PPM1D: variants seen among roughly 807,000 people sequenced by gnomAD.
The protein encoded by PPM1D is protein phosphatase, Mg2+/Mn2+ dependent 1D.
A neutral mutation model predicts 58.3 loss-of-function variants in PPM1D; 52 were observed. That is an observed-to-expected ratio of 0.89 (90% CI 0.71 to 1.12). PPM1D has a LOEUF of 1.12. Ranked by LOEUF, PPM1D falls within the 50% of genes most tolerant of loss-of-function variation. The pLI is 0.00. For synonymous variants in PPM1D, 278 were observed against 285.1 expected (o/e 0.98, Z 0.25); for missense variants, 564 against 777.2 (o/e 0.73, Z 3.26).
At chr17:60,642,549 C>G (rs2031156492) in intron 3 of PPM1D, among the ~76,000 whole-genome samples, 1 of 151,932 alleles carries the variant, frequency 6.6e-6, no homozygotes, top group African/African-American at 2.4e-5. Flanking sequence ...ACCTCTGGCT[C>G]CTGGGTTCAA....
intron 2 of PPM1D, among the ~76,000 whole-genome samples, chr17:60,629,133 A>G (rs2030870422): frequency 6.6e-6 from 1 of 152,198 alleles, no homozygotes; most frequent in Non-Finnish European, 1.5e-5. Flanking sequence ...CCTCTGTTGT[A>G]AGACAGCATT....
At chr17:60,642,603 C>T (rs1022174004) in intron 3 of PPM1D, among the ~76,000 whole-genome samples, 9 of 152,006 alleles carry the variant, frequency 5.9e-5, no homozygotes, top group Admixed American at 2.0e-4. Context: ...GGACTACAGG[C>T]GTGTGCCACC....
At chr17:60,646,069 G>T (rs2031246154) in intron 3 of PPM1D, among the ~76,000 whole-genome samples, 1 of 152,092 alleles carries the variant, frequency 6.6e-6, no homozygotes, top group African/African-American at 2.4e-5. Context: ...GAGCCCAGGA[G>T]ATCTATCCTG....
chr17:60,663,369 C>T lies in PPM1D; in HGVS notation c.1635C>T (p.Pro545=), dbSNP rs1255277012. Residue 545 remains proline, a synonymous_variant, in exon 6 of 6, where the codon CCC becomes CCT. Transcript: ENST00000305921. The part of the protein sequence containing the change: ...KRTLEESNSG[P]LMKKHRRNGL... ...CATTAGAAGAGTCCAATTCTGGCCC[C>T]CTGATGAAGAAGCATAGACGAAATG... is the stretch of plus-strand genomic sequence containing the variant. 18 of 1,614,168 alleles carry T rather than the reference C, an allele frequency of 1.1e-5. No individual in the cohort carries two copies. The highest frequency in any genetic ancestry group is 1.5e-5 in the Non-Finnish European group (18 of 1,180,032).
chr17:60,619,216 C>CT (rs375551529), intron 1 of PPM1D, among the ~76,000 whole-genome samples: 3,749 of 142,422 alleles, frequency 0.026, 46 homozygotes, highest in Non-Finnish European at 0.031. Flanking sequence ...GCAGGATTTC[C>CT]TTTTTTTTTT....
Position 60,656,779 on chromosome 17 carries a change from TC to T in PPM1D, c.1200del (p.Tyr401IlefsTer8). 1 of 1,614,210 alleles carries T rather than the reference TC, an allele frequency of 6.2e-7. No individual in the cohort carries two copies. The highest frequency in any genetic ancestry group is 8.5e-7 in the Non-Finnish European group (1 of 1,180,046). On this transcript the variant is annotated frameshift_variant, in exon 5 of 6. Transcript: ENST00000305921. LOFTEE classifies it high-confidence loss of function. ...ELYLNLTDSP[S>X]YNSQETCVMT... ...ATACCTGAACCTGACTGACAGCCCTTCCTATAATAGTCAAGAAACCTGTGTG... is the reference window on the plus strand; with the variant it reads ...ATACCTGAACCTGACTGACAGCCCTTCTATAATAGTCAAGAAACCTGTGTG...
chr17:60,614,565 A>G (rs1219436300), intron 1 of PPM1D, among the ~76,000 whole-genome samples: 1 of 152,122 alleles, frequency 6.6e-6, no homozygotes, highest in African/African-American at 2.4e-5. Flanking sequence ...CTCAGCCAAC[A>G]TTGGCAACAC....
chr17:60,651,089 C>T (rs2031334749), intron 4 of PPM1D, among the ~76,000 whole-genome samples: 1 of 152,112 alleles, frequency 6.6e-6, no homozygotes, highest in East Asian at 1.9e-4. Flanking sequence ...ATTAGGGGGA[C>T]TCAAGTCAGC....
chr17:60,648,284 C>G (rs1019567611), intron 4 of PPM1D, among the ~76,000 whole-genome samples: 1 of 151,542 alleles, frequency 6.6e-6, no homozygotes, highest in African/African-American at 2.4e-5. Context: ...AGTCTAATAA[C>G]AAAACACACA....
chr17:60,625,390 A>G (rs573306815), intron 2 of PPM1D, among the ~76,000 whole-genome samples: 2 of 152,346 alleles, frequency 1.3e-5, no homozygotes, highest in Admixed American at 6.5e-5. Flanking sequence ...GGTACTACCT[A>G]TATAGAAAAT....
rs574265357 is a variant in PPM1D at position 60,614,887 on chromosome 17, C to T, written c.473-8634C>T. ...AACATCAGAAGGAACAAATTCTGGACACACTGCCTTTAAGAACTGTAACAC... is the reference window on the plus strand; with the variant it reads ...AACATCAGAAGGAACAAATTCTGGATACACTGCCTTTAAGAACTGTAACAC... On this transcript the variant is annotated intron_variant, in intron 1 of 5. Transcript: ENST00000305921. Among the ~76,000 whole-genome samples the T allele has an allele frequency of 6.6e-5, 10 of 152,300 alleles. No individual in the cohort carries two copies. The East Asian group carries it at 1.9e-3, about 29-fold the overall frequency.
At chr17:60,613,890 G>C (rs2030515936) in intron 1 of PPM1D, among the ~76,000 whole-genome samples, 2 of 137,368 alleles carry the variant, frequency 1.5e-5, no homozygotes, top group Admixed American at 7.0e-5. Flanking sequence ...CATACCTGAG[G>C]CCCCCCCCCC....
At chr17:60,633,244 C>G (rs2030962627) in intron 2 of PPM1D, among the ~76,000 whole-genome samples, 1 of 152,128 alleles carries the variant, frequency 6.6e-6, no homozygotes. Flanking sequence ...GAGATCACAC[C>G]ATTGTGCTCC....
intron 3 of PPM1D, among the ~76,000 whole-genome samples, chr17:60,634,864 T>C (rs1245425561): frequency 6.6e-6 from 1 of 152,196 alleles, no homozygotes; most frequent in Non-Finnish European, 1.5e-5. Flanking sequence ...CACTGCAACC[T>C]CTACCTCCCA....
At chr17:60,645,743 T>C (rs2031240790) in intron 3 of PPM1D, among the ~76,000 whole-genome samples, 1 of 150,206 alleles carries the variant, frequency 6.7e-6, no homozygotes, top group Non-Finnish European at 1.5e-5. Context: ...TAATAGTCCT[T>C]ACAGGGAAAA....
intron 1 of PPM1D, among the ~76,000 whole-genome samples, chr17:60,602,069 T>A (rs1260937456): frequency 1.3e-5 from 2 of 152,262 alleles, no homozygotes; most frequent in Admixed American, 6.5e-5. Flanking sequence ...TTTCAAAGTC[T>A]GTTTTCCATT....
chr17:60,610,096 C>G (rs138437398), intron 1 of PPM1D, among the ~76,000 whole-genome samples: 188 of 150,358 alleles, frequency 1.3e-3, no homozygotes, highest in African/African-American at 4.5e-3. Flanking sequence ...AGGGGAATTG[C>G]TTGAACCTGG....
intron 3 of PPM1D, among the ~76,000 whole-genome samples, chr17:60,645,738 G>C (rs549736213): frequency 1.3e-5 from 2 of 149,424 alleles, no homozygotes; most frequent in East Asian, 3.9e-4. Flanking sequence ...AAGAATAATA[G>C]TCCTTACAGG....
At position 60,656,756 on chromosome 17, in the gene PPM1D, A is replaced by G; in HGVS notation, c.1175A>G (p.Tyr392Cys). ...QGNFTNEDEL[Y>C]LNLTDSPSYN... ...AACTTTACCAATGAAGATGAGTTAT[A>G]CCTGAACCTGACTGACAGCCCTTCC... The change falls in exon 5 of 6, where the codon TAC (tyrosine) becomes TGC (cysteine). Residue 392 changes from tyrosine (Y) to cysteine (C), a missense_variant. Tyr to Cys is a radical substitution (Grantham distance 194). Coordinates refer to ENST00000305921, the MANE Select transcript of PPM1D (RefSeq NM_003620.4). 6.2e-7 allele frequency: 1 copy of G among 1,614,188 alleles called. No individual in the cohort carries two copies. Among genetic ancestry groups the G allele is most frequent in the Non-Finnish European group, 8.5e-7 (1 of 1,180,022 alleles).
Sources: allele counts gnomAD v4.1 joint callset (sites outside exome capture counted in the v4.1 genomes callset), GRCh38; gene constraint gnomAD v4.1.1; transcripts MANE v1.5; gene names NCBI Gene and HGNC (gene_info 2026-07-23, HGNC 2026-07-21).